Variants in MATN2 observed in about 807,000 individuals in gnomAD.
The protein encoded by MATN2 is matrilin 2, also known as matrilin-2.
MATN2 carries 69 observed loss-of-function variants against 103.2 expected under a neutral mutation model. The observed-to-expected ratio is 0.67, with a 90% CI of 0.55 to 0.82. MATN2 has a LOEUF of 0.82. MATN2 is among the 40% of genes least tolerant of loss of function. MATN2 has a pLI of 0.00. For missense variants in MATN2, 1,023 were observed against 1,211.5 expected (o/e 0.84, Z 2.31); for synonymous variants, 429 against 450.2 (o/e 0.95, Z 0.60).
At chr8:97,906,911 G>A (rs9792164) in intron 2 of MATN2, among the ~76,000 whole-genome samples, 6,287 of 151,820 alleles carry the variant, frequency 0.041, 182 homozygotes, top group Non-Finnish European at 0.055. Flanking sequence ...GAGTCTCATC[G>A]CCCATTTTCT....
intron 5 of MATN2, among the ~76,000 whole-genome samples, chr8:97,974,227 C>G (rs558974232): frequency 6.6e-6 from 1 of 152,176 alleles, no homozygotes; most frequent in African/African-American, 2.4e-5. Context: ...CAACCTCCAC[C>G]TCCTGGGCTC....
intron 13 of MATN2, chr8:98,025,128 C>T (rs1813740693): frequency 6.6e-6 from 1 of 152,178 alleles, no homozygotes; most frequent in African/African-American, 2.4e-5. Flanking sequence ...TTTTGGTTCA[C>T]TCAGGAACAG....
At chr8:97,922,350 C>T (rs567284875) in intron 2 of MATN2, among the ~76,000 whole-genome samples, 2 of 152,336 alleles carry the variant, frequency 1.3e-5, no homozygotes, top group African/African-American at 4.8e-5. Context: ...GCAGTTTTAC[C>T]TGGAAGCTCA....
chr8:98,017,758 A>G (rs1813415519), intron 11 of MATN2, among the ~76,000 whole-genome samples: 1 of 152,204 alleles, frequency 6.6e-6, no homozygotes, highest in Admixed American at 6.5e-5. Context: ...CTGCATTTTA[A>G]CACTAAAGTA....
chr8:98,025,301 T>A (rs1813750057), intron 13 of MATN2: 1 of 158,824 alleles, frequency 6.3e-6, no homozygotes, highest in Non-Finnish European at 1.4e-5. Context: ...CCACACACAC[T>A]ATGACGTTAA....
At chr8:98,028,119 G>T (rs539026772) in intron 14 of MATN2, among the ~76,000 whole-genome samples, 20 of 152,188 alleles carry the variant, frequency 1.3e-4, no homozygotes, top group Non-Finnish European at 2.8e-4. Flanking sequence ...GATCTCCAGT[G>T]TAAGAATCGC....
chr8:98,004,259 C>T (rs1812889598), intron 8 of MATN2: 1 of 152,984 alleles, frequency 6.5e-6, no homozygotes, highest in Non-Finnish European at 1.4e-5. Flanking sequence ...TGCACTCCAA[C>T]CTGGGCGACA....
chr8:97,964,997 G>A (rs1436449506), intron 5 of MATN2, among the ~76,000 whole-genome samples: 1 of 152,152 alleles, frequency 6.6e-6, no homozygotes, highest in Non-Finnish European at 1.5e-5. Context: ...GCCTCCTAAA[G>A]TGCAGGGATT....
chr8:97,886,312 AC>A (rs1445270855), intron 1 of MATN2, among the ~76,000 whole-genome samples: 1 of 152,186 alleles, frequency 6.6e-6, no homozygotes, highest in Non-Finnish European at 1.5e-5. Flanking sequence ...AATGTAATGC[AC>A]TTGAATCATC....
intron 1 of MATN2, among the ~76,000 whole-genome samples, chr8:97,880,079 CTTTCTTTTTTT>C (rs1818203129): frequency 9.4e-6 from 1 of 106,922 alleles, no homozygotes; most frequent in Admixed American, 1.2e-4. Flanking sequence ...AAAAATCTTT[CTTTCTTTTTTT>C]TTTTTTTTTT....
chr8:97,885,976 C>T (rs915085216), intron 1 of MATN2, among the ~76,000 whole-genome samples: 9 of 152,180 alleles, frequency 5.9e-5, no homozygotes, highest in Admixed American at 2.0e-4. Flanking sequence ...ACAGCCGCTC[C>T]CCATCGCCTG....
intron 16 of MATN2, among the ~76,000 whole-genome samples, chr8:98,032,649 A>T (rs1023888472): frequency 6.6e-6 from 1 of 151,964 alleles, no homozygotes; most frequent in Non-Finnish European, 1.5e-5. Flanking sequence ...CTCCTGCCCC[A>T]GCCTCCCGAG....
chr8:98,034,446 A>G (rs536569592), intron 18 of MATN2: 1 of 275,426 alleles, frequency 3.6e-6, no homozygotes, highest in South Asian at 3.5e-5. Flanking sequence ...CAATGGGCTT[A>G]TGTAATAAGG....
intron 3 of MATN2, among the ~76,000 whole-genome samples, chr8:97,940,813 CA>C (rs1810525748): frequency 6.6e-6 from 1 of 152,088 alleles, no homozygotes; most frequent in Non-Finnish European, 1.5e-5. Flanking sequence ...TTATGAGCTA[CA>C]GACAGACTTA....
Position 98,033,190 on chromosome 8 carries a change from A to AAAT in MATN2, c.2716+16_2716+18dup, listed in dbSNP as rs749727953. 6.3e-7 allele frequency: 1 copy of AAAT among 1,587,874 alleles called. No homozygotes were observed. Among genetic ancestry groups the AAAT allele is most frequent in the African/African-American group, 1.4e-5 (1 of 73,956 alleles). On this transcript the variant is annotated intron_variant, in intron 17 of 18. Coordinates refer to ENST00000254898, the MANE Select transcript of MATN2 (RefSeq NM_002380.5). ...CAAAACCTTCAGGTAATTCCAAGTA[A>AAAT]AATATTACTATAAGATAACTTGATC...
At chr8:97,900,671 C>G (rs1038967060) in intron 2 of MATN2, among the ~76,000 whole-genome samples, 2 of 152,196 alleles carry the variant, frequency 1.3e-5, no homozygotes, top group African/African-American at 2.4e-5. Flanking sequence ...CGTGGTGACT[C>G]ACGCCTGTAA....
At chr8:97,976,944 CCTCTGTGGCCAGGCACGGTGGCT>C (rs1365788417) in intron 5 of MATN2, among the ~76,000 whole-genome samples, 2 of 151,978 alleles carry the variant, frequency 1.3e-5, no homozygotes. Flanking sequence ...TGAAATTTGA[CCTCTGTGGCCAGGCACGGTGGCT>C]CATGCCTGTA....
At chr8:97,923,703 C>A (rs967706340) in intron 2 of MATN2, among the ~76,000 whole-genome samples, 3 of 152,088 alleles carry the variant, frequency 2.0e-5, no homozygotes, top group Admixed American at 2.0e-4. Context: ...ATAACAGGCG[C>A]CTGCCACCAC....
chr8:97,936,764 G>A (rs1810380498), intron 3 of MATN2, among the ~76,000 whole-genome samples: 1 of 152,132 alleles, frequency 6.6e-6, no homozygotes, highest in Non-Finnish European at 1.5e-5. Flanking sequence ...AGGCAAGGCT[G>A]TGGTCTCCCC....
Sources: gnomAD v4.1 joint callset for allele counts (sites outside exome capture counted in the v4.1 genomes callset) on GRCh38, gnomAD v4.1.1 for gene constraint, MANE v1.5 for transcripts, NCBI Gene and HGNC (gene_info 2026-07-23, HGNC 2026-07-21) for gene names.